Variants in SORCS2 observed in about 807,000 individuals in gnomAD.
SORCS2 encodes sortilin related VPS10 domain containing receptor 2.
SORCS2 carries 100 observed loss-of-function variants against 141.6 expected under a neutral mutation model. The observed-to-expected ratio is 0.71, with a 90% CI of 0.60 to 0.83. The LOEUF is 0.83. SORCS2 is among the 40% of genes least tolerant of loss of function. The pLI is 0.00. For missense variants in SORCS2, 1,646 were observed against 1,560.2 expected (o/e 1.05, Z -0.93); for synonymous variants, 789 against 676.9 (o/e 1.17, Z -2.57).
At chr4:7,482,671 G>GAC (rs1730720923) in intron 2 of SORCS2, among the ~76,000 whole-genome samples, 4 of 88,594 alleles carry the variant, frequency 4.5e-5, no homozygotes, top group African/African-American at 2.5e-4. Context: ...GGACACCCCT[G>GAC]GCTGCAGTTC....
intron 5 of SORCS2, among the ~76,000 whole-genome samples, chr4:7,655,283 C>T (rs1721693122): frequency 6.6e-6 from 1 of 152,092 alleles, no homozygotes; most frequent in South Asian, 2.1e-4. Flanking sequence ...GCACGGGCCT[C>T]CTGCGCAGGC....
intron 1 of SORCS2, among the ~76,000 whole-genome samples, chr4:7,259,512 C>T (rs141637650): frequency 8.1e-4 from 124 of 152,344 alleles, no homozygotes; most frequent in African/African-American, 2.9e-3. Flanking sequence ...CTGTGCTTTC[C>T]CTGGAACAGG....
rs575694940 is a variant in SORCS2, at chr4:7,305,314, A to G, written c.481-90974A>G. On this transcript the variant is annotated intron_variant, in intron 1 of 26. Transcript: ENST00000507866. Reference sequence around the variant, plus strand: ...CCAAAGTGCTGGGATCACAGGCGTGAGCCACCACGCACGGCCCATTCTGGC... The same window carrying G: ...CCAAAGTGCTGGGATCACAGGCGTGGGCCACCACGCACGGCCCATTCTGGC... Among the ~76,000 whole-genome samples the G allele has an allele frequency of 2.3e-4, 35 of 149,830 alleles. No homozygotes were observed. The East Asian group carries it at 4.0e-3, about 17-fold the overall frequency.
intron 2 of SORCS2, among the ~76,000 whole-genome samples, chr4:7,478,842 C>G (rs11934982): frequency 0.085 from 12,904 of 152,252 alleles, 577 homozygotes; most frequent in African/African-American, 0.11. Flanking sequence ...TCTCACACAG[C>G]TGGGCACCGA....
intron 3 of SORCS2, among the ~76,000 whole-genome samples, chr4:7,615,932 C>A (rs1718729887): frequency 6.6e-6 from 1 of 152,146 alleles, no homozygotes; most frequent in Non-Finnish European, 1.5e-5. Context: ...ATATATCAAC[C>A]AGTTAGTTTA....
At chr4:7,299,415 TC>T (rs1204072320) in intron 1 of SORCS2, among the ~76,000 whole-genome samples, 1 of 152,208 alleles carries the variant, frequency 6.6e-6, no homozygotes, top group African/African-American at 2.4e-5. Context: ...TAAGTTCCTT[TC>T]TGTATGGATC....
chr4:7,717,754 G>A (rs1473550348), intron 17 of SORCS2, among the ~76,000 whole-genome samples: 3 of 152,220 alleles, frequency 2.0e-5, no homozygotes, highest in East Asian at 3.8e-4. Flanking sequence ...ATCAGACCAC[G>A]GAGATGCCAG....
intron 11 of SORCS2, among the ~76,000 whole-genome samples, chr4:7,692,745 T>C (rs10023670): frequency 0.57 from 87,263 of 152,020 alleles, 25,640 homozygotes; most frequent in East Asian, 0.74. Context: ...TTGGATTGAG[T>C]CTGCTGGGCA....
chr4:7,383,841 GA>G (rs1723135228), intron 1 of SORCS2, among the ~76,000 whole-genome samples: 1 of 152,208 alleles, frequency 6.6e-6, no homozygotes, highest in South Asian at 2.1e-4. Flanking sequence ...CAGGTTATGA[GA>G]AATGGAGAGT....
At chr4:7,446,309 T>C (rs1727998119) in intron 2 of SORCS2, among the ~76,000 whole-genome samples, 1 of 152,146 alleles carries the variant, frequency 6.6e-6, no homozygotes, top group Non-Finnish European at 1.5e-5. Context: ...CCCCAGGAGC[T>C]GTGGGTGGCT....
chr4:7,701,669 C>T (rs567506259), intron 12 of SORCS2, among the ~76,000 whole-genome samples: 10 of 152,270 alleles, frequency 6.6e-5, no homozygotes, highest in African/African-American at 1.4e-4. Flanking sequence ...TGTGGCCTGC[C>T]GGCCCCCACC....
intron 2 of SORCS2, among the ~76,000 whole-genome samples, chr4:7,456,801 G>A (rs377175757): frequency 3.3e-5 from 5 of 152,084 alleles, no homozygotes; most frequent in Non-Finnish European, 5.9e-5. Flanking sequence ...GTCATCTCTC[G>A]ACGATCAGTG....
At chr4:7,643,133 A>G (rs1226479558) in intron 4 of SORCS2, among the ~76,000 whole-genome samples, 1 of 152,128 alleles carries the variant, frequency 6.6e-6, no homozygotes, top group Admixed American at 6.5e-5. Flanking sequence ...CCATGACTTT[A>G]CAATGCTTCC....
chr4:7,335,253 A>G (rs1415361558), intron 1 of SORCS2, among the ~76,000 whole-genome samples: 2 of 152,112 alleles, frequency 1.3e-5, no homozygotes, highest in Admixed American at 1.3e-4. Context: ...AGGGCAAGAG[A>G]TGTCTTGTTT....
chr4:7,237,379 A>T lies in SORCS2; in HGVS notation c.480+44253A>T, dbSNP rs1021670482. ...CGCTGGGCTGCTGTTTTTAGAAGAG[A>T]CCCCTCTTGGCTGCTGGTCTCAGGT... On this transcript the variant is annotated intron_variant, in intron 1 of 26. Transcript: ENST00000507866. Among the ~76,000 whole-genome samples the T allele has an allele frequency of 4.6e-5, 7 of 151,610 alleles. No individual in the cohort carries two copies. In the East Asian group the frequency reaches 1.4e-3, roughly 29 times the overall value.
chr4:7,673,414 T>A (rs370470862), intron 8 of SORCS2, among the ~76,000 whole-genome samples: 14 of 152,288 alleles, frequency 9.2e-5, no homozygotes, highest in Middle Eastern at 6.8e-3. Context: ...GGTTTCCCCG[T>A]AGGGAAGCAG....
At chr4:7,227,718 T>C (rs1419613871) in intron 1 of SORCS2, among the ~76,000 whole-genome samples, 3 of 152,182 alleles carry the variant, frequency 2.0e-5, no homozygotes, top group Non-Finnish European at 4.4e-5. Context: ...CCCTCTCTCC[T>C]GTTTCTTCTC....
chr4:7,588,012 AGG>A (rs1231802404), intron 3 of SORCS2, among the ~76,000 whole-genome samples: 1 of 152,208 alleles, frequency 6.6e-6, no homozygotes. Flanking sequence ...CAGAACACCC[AGG>A]GGCAGAGTTT....
At chr4:7,552,537 C>T (rs774322105) in intron 3 of SORCS2, among the ~76,000 whole-genome samples, 9 of 143,252 alleles carry the variant, frequency 6.3e-5, no homozygotes, top group Non-Finnish European at 1.3e-4. Flanking sequence ...AATAAACAGC[C>T]AGAAACAAAG....
Sources: allele counts gnomAD v4.1 joint callset (sites outside exome capture counted in the v4.1 genomes callset), GRCh38; gene constraint gnomAD v4.1.1; transcripts MANE v1.5; gene names NCBI Gene and HGNC (gene_info 2026-07-23, HGNC 2026-07-21).